Variants in RAB8B observed in about 807,000 individuals in gnomAD.
RAB8B encodes RAB8B, member RAS oncogene family.
Under a neutral mutation model 32.0 loss-of-function variants are expected in RAB8B, and 11 were observed. The ratio of observed to expected loss-of-function variants is 0.34; its 90% confidence interval spans 0.22 to 0.57. The LOEUF is 0.57. Ranked by LOEUF, RAB8B falls within the 20% of genes least tolerant of loss-of-function variation. The pLI is 0.86. For synonymous variants in RAB8B, 103 were observed against 89.6 expected (o/e 1.15, Z -0.85); for missense variants, 190 against 258.5 (o/e 0.73, Z 1.82).
chr15:63,245,000 T>C (rs1000287171), intron 2 of RAB8B, among the ~76,000 whole-genome samples, 184 bp downstream of exon 2: 1 of 152,180 alleles, frequency 6.6e-6, no homozygotes, highest in Non-Finnish European at 1.5e-5. Context: ...GTTGGGAAGG[T>C]GAGAGAGGGT....
chr15:63,208,213 T>C (rs892848543), intron 1 of RAB8B, among the ~76,000 whole-genome samples: 2 of 152,326 alleles, frequency 1.3e-5, no homozygotes, highest in East Asian at 3.9e-4. Context: ...ACAGGAATCC[T>C]AAACTCTAAC....
Position 63,266,368 on chromosome 15 carries a change from G to A in RAB8B, c.*2749G>A, listed in dbSNP as rs2152587112. On this transcript the variant is annotated 3_prime_UTR_variant, in exon 8 of 8. Transcript: ENST00000321437. ...AACGTTTCGCTGGGAACTTATTTTA[G>A]CTATATTTTACTTCAGACAGATTAT... 6.6e-6 allele frequency: 1 copy of A among 152,616 alleles called. No homozygotes were observed. Among genetic ancestry groups the A allele is most frequent in the South Asian group, 2.1e-4 (1 of 4,820 alleles). 9.5% of individuals were successfully genotyped at this position (152,616 alleles called of 1,614,324 possible).
intron 1 of RAB8B, among the ~76,000 whole-genome samples, chr15:63,217,178 A>T (rs1368661893): frequency 6.6e-6 from 1 of 152,224 alleles, no homozygotes; most frequent in Admixed American, 6.5e-5. Flanking sequence ...AGGAATTCAA[A>T]TGTACTTCGA....
chr15:63,214,085 G>GA (rs5813199), intron 1 of RAB8B, among the ~76,000 whole-genome samples: 30,649 of 147,542 alleles, frequency 0.21, 3,928 homozygotes, highest in East Asian at 0.65. Flanking sequence ...TGTCTCAGGG[G>GA]AAAAAAAAAA....
At chr15:63,260,619 G>A (rs1025282637) in intron 6 of RAB8B, among the ~76,000 whole-genome samples, 2 of 151,808 alleles carry the variant, frequency 1.3e-5, no homozygotes, top group Non-Finnish European at 2.9e-5. Flanking sequence ...AACCACCATG[G>A]CACGTGTATA....
At chr15:63,211,364 T>C (rs764752339) in intron 1 of RAB8B, among the ~76,000 whole-genome samples, 3 of 152,168 alleles carry the variant, frequency 2.0e-5, no homozygotes, top group Non-Finnish European at 4.4e-5. Flanking sequence ...GTTGGGAGAT[T>C]ATTGTCTCAC....
intron 3 of RAB8B, chr15:63,251,237 A>G (rs905063686): frequency 4.4e-6 from 2 of 455,574 alleles, no homozygotes; most frequent in Admixed American, 4.7e-5. Flanking sequence ...GGGGCTTATT[A>G]TATGTGCCAG....
At chr15:63,206,498 G>T (rs796617772) in intron 1 of RAB8B, among the ~76,000 whole-genome samples, 52 of 152,082 alleles carry the variant, frequency 3.4e-4, no homozygotes, top group African/African-American at 1.2e-3. Flanking sequence ...CTAATTTCTG[G>T]ATATTTTCAC....
At chr15:63,211,295 A>C (rs923156100) in intron 1 of RAB8B, among the ~76,000 whole-genome samples, 1 of 152,202 alleles carries the variant, frequency 6.6e-6, no homozygotes, top group African/African-American at 2.4e-5. Context: ...AATGCTTCAC[A>C]GATGTTCCTG....
intron 1 of RAB8B, among the ~76,000 whole-genome samples, chr15:63,199,742 C>A (rs925968228): frequency 6.6e-6 from 1 of 151,772 alleles, no homozygotes; most frequent in Non-Finnish European, 1.5e-5. Flanking sequence ...ACTACCACGC[C>A]CAGCCAATTT....
chr15:63,256,930 A>G (rs1010248880), intron 5 of RAB8B, among the ~76,000 whole-genome samples: 2 of 152,258 alleles, frequency 1.3e-5, no homozygotes. Context: ...TAAAGTAAAC[A>G]TTCTTTTTGA....
chr15:63,249,615 A>G, intron 2 of RAB8B, 30 bp from the exon 3 acceptor site: 1 of 1,610,894 alleles, frequency 6.2e-7, no homozygotes, highest in Non-Finnish European at 8.5e-7. Flanking sequence ...GATGACTTCA[A>G]AAACCACTCT....
chr15:63,244,796 GA>G lies in RAB8B; in HGVS notation c.169del (p.Ile57LeufsTer61), dbSNP rs2038058759. 6.3e-7 allele frequency: 1 copy of G among 1,583,356 alleles called. No homozygotes were observed. The highest frequency in any genetic ancestry group is 8.7e-7 in the Non-Finnish European group (1 of 1,155,924). On this transcript the variant is annotated frameshift_variant, in exon 2 of 8. Coordinates refer to ENST00000321437, the MANE Select transcript of RAB8B (RefSeq NM_016530.3). LOFTEE classifies it high-confidence loss of function. ...KIRTIELDGKKIKLQIWDTAG... is the reference protein window; with the variant it reads ...KIRTIELDGKXIKLQIWDTAG... ...TTAGAACGATAGAACTAGATGGAAA[GA>G]AAATTAAGCTTCAGATATGGTAAGT...
At chr15:63,219,447 AC>A (rs2037824787) in intron 1 of RAB8B, among the ~76,000 whole-genome samples, 1 of 141,274 alleles carries the variant, frequency 7.1e-6, no homozygotes, top group African/African-American at 2.6e-5. Flanking sequence ...GTCCAGACCA[AC>A]TTTTTTTTTT....
intron 1 of RAB8B, among the ~76,000 whole-genome samples, chr15:63,208,406 G>A (rs1472416598): frequency 6.6e-6 from 1 of 152,084 alleles, no homozygotes; most frequent in South Asian, 2.1e-4. Context: ...GTAATAGATG[G>A]TCATTATCTC....
chr15:63,263,442 TG>T, intron 7 of RAB8B, 84 bp from the exon 8 acceptor site: 1 of 959,196 alleles, frequency 1.0e-6, no homozygotes, highest in Non-Finnish European at 1.7e-6. Flanking sequence ...TCACATGGTA[TG>T]GTTAGTTATT....
intron 1 of RAB8B, among the ~76,000 whole-genome samples, chr15:63,229,860 A>G (rs1047541489): frequency 3.3e-5 from 5 of 151,692 alleles, no homozygotes; most frequent in Admixed American, 6.6e-5. Flanking sequence ...GGCACCCTAT[A>G]AAGTTAGTAG....
chr15:63,263,185 C>G (rs2038216372), intron 7 of RAB8B, among the ~76,000 whole-genome samples: 1 of 152,198 alleles, frequency 6.6e-6, no homozygotes, highest in Non-Finnish European at 1.5e-5. Context: ...CTTCTTACCT[C>G]TAACAGAACT....
intron 1 of RAB8B, among the ~76,000 whole-genome samples, chr15:63,214,067 C>G (rs570002600): frequency 6.7e-6 from 1 of 149,874 alleles, no homozygotes; most frequent in South Asian, 2.2e-4. Flanking sequence ...GGTGACAGAG[C>G]GAGACTCTGT....
Sources: allele counts gnomAD v4.1 joint callset (sites outside exome capture counted in the v4.1 genomes callset), GRCh38; gene constraint gnomAD v4.1.1; transcripts MANE v1.5; gene names NCBI Gene and HGNC (gene_info 2026-07-23, HGNC 2026-07-21).